The following ABLIM1 variants were observed in gnomAD, a reference collection of about 807,000 sequenced individuals.
ABLIM1 encodes the protein actin-binding LIM protein 1.
Under a neutral mutation model 107.0 loss-of-function variants are expected in ABLIM1, and 40 were observed. The ratio of observed to expected loss-of-function variants is 0.37; its 90% CI spans 0.29 to 0.49. ABLIM1 has a LOEUF of 0.49. Ranked by LOEUF, ABLIM1 falls within the 20% of genes least tolerant of loss-of-function variation. ABLIM1 has a pLI of 0.97. For missense variants in ABLIM1, 857 were observed against 1,008.5 expected (o/e 0.85, Z 2.04); for synonymous variants, 357 against 357.3 (o/e 1.00, Z 0.01).
At chr10:114,608,721 A>T (rs2076600240) in intron 1 of ABLIM1, among the ~76,000 whole-genome samples, 1 of 152,098 alleles carries the variant, frequency 6.6e-6, no homozygotes, top group East Asian at 1.9e-4. Context: ...TTATTTTAAA[A>T]AGAAAAACAA....
intron 6 of ABLIM1, among the ~76,000 whole-genome samples, chr10:114,516,241 C>A (rs1226880874): frequency 1.3e-5 from 2 of 151,874 alleles, no homozygotes; most frequent in African/African-American, 2.4e-5. Flanking sequence ...AAATGTTTTG[C>A]GGCCAGGTGT....
chr10:114,566,899 A>G (rs2070821772), intron 4 of ABLIM1, among the ~76,000 whole-genome samples: 1 of 152,162 alleles, frequency 6.6e-6, no homozygotes. Context: ...AAATACAAAA[A>G]TTAGCCAGGT....
chr10:114,610,396 A>G (rs2076726612), intron 1 of ABLIM1, among the ~76,000 whole-genome samples: 1 of 152,150 alleles, frequency 6.6e-6, no homozygotes, highest in Non-Finnish European at 1.5e-5. Flanking sequence ...TAAAGACAGG[A>G]GTCCTATTCT....
At chr10:114,653,059 C>T (rs1375941031) in intron 1 of ABLIM1, among the ~76,000 whole-genome samples, 3 of 152,202 alleles carry the variant, frequency 2.0e-5, no homozygotes, top group African/African-American at 7.2e-5. Flanking sequence ...CAGGCTGAGG[C>T]AGAGTGACAT....
At position 114,601,893 on chromosome 10, in the gene ABLIM1, G is replaced by C. The variant is rs200839274; in HGVS notation, c.313C>G (p.Pro105Ala). Residue 105 changes from proline to alanine, a missense_variant, in exon 2 of 23, where the codon CCT becomes GCT. By Grantham distance (27) the Pro-to-Ala change is conservative. This residue lies in a region of ABLIM1 where 176 missense variants were observed against 173.5 expected (regional missense o/e 1.01). Transcript: ENST00000533213. The stretch of plus-strand genomic sequence containing the variant: ...ACCCGAAGCACTTCACCCTTGCAAG[G>C]CTCCCCACATTTATGGCAGTGAATG... Reference protein sequence around the residue: ...PVIHCHKCGEPCKGEVLRVQT... With the variant: ...PVIHCHKCGEACKGEVLRVQT... The C allele has an allele frequency of 7.5e-5, 121 of 1,614,154 alleles. 2 individuals carry two copies. In the East Asian group the frequency reaches 1.7e-3, roughly 23 times the overall value.
intron 1 of ABLIM1, among the ~76,000 whole-genome samples, chr10:114,650,387 A>G (rs956013940): frequency 6.6e-6 from 1 of 152,210 alleles, no homozygotes; most frequent in African/African-American, 2.4e-5. Context: ...AATGCCAAAC[A>G]ATAAACTTAA....
rs774893980 is a variant in ABLIM1, at chr10:114,487,965, T to A, written c.1034A>T (p.Lys345Met). 1 of 1,614,042 alleles carries A rather than the reference T, an allele frequency of 6.2e-7. No homozygotes were observed. The highest frequency in any genetic ancestry group is 8.5e-7 in the Non-Finnish European group (1 of 1,180,012). Reference sequence around the variant, plus strand: ...TTTTAATTGTGTCCTTACCCGCAGCTTTTCCTCGGTCTTCGTAGATTGCTT... The same window carrying A: ...TTTTAATTGTGTCCTTACCCGCAGCATTTCCTCGGTCTTCGTAGATTGCTT... ...DCKQSTKTEE[K>M]LRPTRTSSES... is the part of the protein sequence containing the mutation. Residue 345 changes from lysine to methionine, a missense_variant, in exon 8 of 23, where the codon AAG (lysine) becomes ATG (methionine). Lys to Met is a moderately conservative substitution (Grantham distance 95, BLOSUM62 -1). Coordinates refer to ENST00000533213, the MANE Select transcript of ABLIM1 (RefSeq NM_002313.7).
intron 6 of ABLIM1, among the ~76,000 whole-genome samples, chr10:114,531,380 C>T (rs2065435405): frequency 6.6e-6 from 1 of 152,188 alleles, no homozygotes. Flanking sequence ...GAGGATGGGA[C>T]ATCTTCAGAT....
the ABLIM1 span, among the ~76,000 whole-genome samples, chr10:114,780,072 G>T: frequency 6.6e-6 from 1 of 152,110 alleles, no homozygotes; most frequent in African/African-American, 2.4e-5. Flanking sequence ...GTGGCTGGAG[G>T]TTTTCCAGGA....
the ABLIM1 span, among the ~76,000 whole-genome samples, chr10:114,775,381 T>G: frequency 6.6e-6 from 1 of 152,186 alleles, no homozygotes; most frequent in East Asian, 1.9e-4. Flanking sequence ...AATGGAATAT[T>G]TGAGGGATCA....
the ABLIM1 span, among the ~76,000 whole-genome samples, chr10:114,787,839 C>T: frequency 6.7e-6 from 1 of 148,180 alleles, no homozygotes. Flanking sequence ...TACCCAACAG[C>T]TCATTGAGAA....
chr10:114,630,987 C>G (rs1005102753), intron 1 of ABLIM1, among the ~76,000 whole-genome samples: 1 of 152,166 alleles, frequency 6.6e-6, no homozygotes, highest in African/African-American at 2.4e-5. Context: ...CTAGAAGGGT[C>G]TAGCAAGATA....
rs2059056904 is a variant in ABLIM1, at chr10:114,433,419, G to A, written c.*2841C>T. On this transcript the variant is annotated 3_prime_UTR_variant, in exon 23 of 23. Transcript: ENST00000533213. Reference sequence around the variant, plus strand: ...CAGCTGGAGCCTTTTGCTGGGAAATGGAGTAGGGGGCCCACTCTGCATTAT... The same window carrying A: ...CAGCTGGAGCCTTTTGCTGGGAAATAGAGTAGGGGGCCCACTCTGCATTAT... The A allele has an allele frequency of 1.3e-5, 2 of 152,224 alleles. No individual in the cohort carries two copies. Among genetic ancestry groups the A allele is most frequent in the Admixed American group, 6.5e-5 (1 of 15,286 alleles). The allele number at this position is 152,224 out of a possible 1,614,324, so 9.4% of individuals were successfully genotyped here.
intron 12 of ABLIM1, among the ~76,000 whole-genome samples, 191 bp from the exon 13 acceptor site, chr10:114,453,674 A>C (rs1251472033): frequency 6.6e-6 from 1 of 152,194 alleles, no homozygotes; most frequent in Non-Finnish European, 1.5e-5. Flanking sequence ...TCCGTTGCAG[A>C]GATTTGAACT....
At chr10:114,795,078 GA>G in the ABLIM1 span, among the ~76,000 whole-genome samples, 2 of 151,794 alleles carry the variant, frequency 1.3e-5, no homozygotes, top group Non-Finnish European at 2.9e-5. Flanking sequence ...TTTTAAGGAA[GA>G]AAAAAATAAA....
intron 1 of ABLIM1, among the ~76,000 whole-genome samples, chr10:114,634,129 C>CTTATTTTTTTT (rs2078341765): frequency 1.5e-5 from 1 of 68,298 alleles, no homozygotes; most frequent in African/African-American, 6.4e-5. Context: ...CTCAATTTTT[C>CTTATTTTTTTT]TTTTTTTTTT....
chr10:114,640,561 C>A (rs9420167), intron 1 of ABLIM1, among the ~76,000 whole-genome samples: 2,799 of 151,908 alleles, frequency 0.018, 79 homozygotes, highest in African/African-American at 0.064. Context: ...ACAACAACAA[C>A]AACAAAAAAC....
In ABLIM1 at chr10:114,465,824, A is replaced by G. The variant is rs1025594104; in HGVS notation, c.1315T>C (p.Tyr439His). 3 of 1,614,034 alleles carry G rather than the reference A, an allele frequency of 1.9e-6. No homozygotes were observed. Among genetic ancestry groups the G allele is most frequent in the Admixed American group, 3.3e-5 (2 of 60,014 alleles). The change falls in exon 12 of 23, where the codon TAC (tyrosine) becomes CAC (histidine). Residue 439 changes from tyrosine to histidine, a missense_variant. Coordinates refer to ENST00000533213, the MANE Select transcript of ABLIM1 (RefSeq NM_002313.7). Reference protein sequence around the residue: ...TLSPTPSAEGYQDVRDRMIHR... With the variant: ...TLSPTPSAEGHQDVRDRMIHR... ...ATCATCCGATCCCGAACATCCTGGTACCCCTGGAAACAAAGTTCAACACAT... is the reference window on the plus strand; with the variant it reads ...ATCATCCGATCCCGAACATCCTGGTGCCCCTGGAAACAAAGTTCAACACAT...
chr10:114,662,285 C>A (rs2079827616), upstream of ABLIM1, among the ~76,000 whole-genome samples: 1 of 152,142 alleles, frequency 6.6e-6, no homozygotes, highest in Non-Finnish European at 1.5e-5. Context: ...GCTCAGCATG[C>A]CTTCCAAAAA....
Sources: gnomAD v4.1 joint callset for allele counts (sites outside exome capture counted in the v4.1 genomes callset) on GRCh38, gnomAD v4.1.1 for gene constraint, gnomAD v4.1.1 regional missense constraint, MANE v1.5 for transcripts, NCBI Gene and HGNC (gene_info 2026-07-23, HGNC 2026-07-21) for gene names.